REDIC1: variants seen among roughly 807,000 people sequenced by gnomAD.
The protein encoded by REDIC1 is regulator of DNA class I crossover intermediates 1, also known as HEI10 Interacting Protein 1.
At chr12:39,903,858 C>A in the REDIC1 span, among the ~76,000 whole-genome samples, 1 of 151,970 alleles carries the variant, frequency 6.6e-6, no homozygotes, top group African/African-American at 2.4e-5. Flanking sequence ...GATTGAGTGG[C>A]CTCTTATATT....
the REDIC1 span, among the ~76,000 whole-genome samples, chr12:39,820,131 A>G: frequency 6.6e-6 from 1 of 151,968 alleles, no homozygotes; most frequent in African/African-American, 2.4e-5. Context: ...CAACAAAAAG[A>G]AAAAAAATGT....
the REDIC1 span, among the ~76,000 whole-genome samples, chr12:39,773,218 T>C: frequency 6.6e-6 from 1 of 152,034 alleles, no homozygotes; most frequent in South Asian, 2.1e-4. Context: ...ATGACTGCAA[T>C]AATGGGAAGC....
chr12:39,824,234 C>G, the REDIC1 span, among the ~76,000 whole-genome samples: 1 of 152,082 alleles, frequency 6.6e-6, no homozygotes, highest in Non-Finnish European at 1.5e-5. Flanking sequence ...TTTGAATGGT[C>G]CTAGTTAACT....
the REDIC1 span, among the ~76,000 whole-genome samples, chr12:39,882,332 G>A: frequency 6.6e-6 from 1 of 152,136 alleles, no homozygotes; most frequent in South Asian, 2.1e-4. Context: ...AGGTGATGCT[G>A]ATCCTGCTTT....
the REDIC1 span, among the ~76,000 whole-genome samples, chr12:39,682,325 ATATAC>A: frequency 9.2e-5 from 14 of 152,082 alleles, no homozygotes; most frequent in African/African-American, 3.1e-4. Flanking sequence ...ATTATAGAAA[ATATAC>A]TATAGGTTGG....
chr12:39,677,429 C>G, the REDIC1 span, among the ~76,000 whole-genome samples: 1 of 151,968 alleles, frequency 6.6e-6, no homozygotes, highest in Non-Finnish European at 1.5e-5. Flanking sequence ...AACACAGGAG[C>G]TCCCAAATTT....
the REDIC1 span, among the ~76,000 whole-genome samples, chr12:39,691,213 G>C: frequency 6.6e-6 from 1 of 152,112 alleles, no homozygotes; most frequent in African/African-American, 2.4e-5. Flanking sequence ...TACGTAACAT[G>C]TCTAAACCAA....
At chr12:39,757,201 T>C in the REDIC1 span, 2 of 151,792 alleles carry the variant, frequency 1.3e-5, no homozygotes, top group South Asian at 2.1e-4. Context: ...ACCTTCTTCA[T>C]TGTATTTTCC....
chr12:39,652,078 A>C, the REDIC1 span, among the ~76,000 whole-genome samples: 1 of 152,146 alleles, frequency 6.6e-6, no homozygotes, highest in African/African-American at 2.4e-5. Flanking sequence ...CCGTATCTAT[A>C]GTTCATTCCT....
the REDIC1 span, among the ~76,000 whole-genome samples, chr12:39,640,204 G>A: frequency 7.9e-5 from 12 of 151,782 alleles, no homozygotes; most frequent in South Asian, 2.1e-4. Context: ...CAGTGTCTTC[G>A]TGATTCAGAT....
At chr12:39,803,269 C>T in the REDIC1 span, among the ~76,000 whole-genome samples, 1 of 149,732 alleles carries the variant, frequency 6.7e-6, no homozygotes, top group Admixed American at 6.6e-5. Context: ...AGGATTGCCA[C>T]AGATAAAACC....
At chr12:39,835,094 T>C in the REDIC1 span, among the ~76,000 whole-genome samples, 1 of 152,114 alleles carries the variant, frequency 6.6e-6, no homozygotes, top group Non-Finnish European at 1.5e-5. Context: ...ACAAAGTCAA[T>C]GCTCATAAGA....
At chr12:39,777,696 G>A in the REDIC1 span, among the ~76,000 whole-genome samples, 1 of 152,180 alleles carries the variant, frequency 6.6e-6, no homozygotes, top group African/African-American at 2.4e-5. Flanking sequence ...ACACACAGGT[G>A]GCTGGCCGTC....
At chr12:39,671,513 C>T in the REDIC1 span, among the ~76,000 whole-genome samples, 15 of 152,168 alleles carry the variant, frequency 9.9e-5, no homozygotes, top group Non-Finnish European at 1.9e-4. Flanking sequence ...ATCCTCCTGG[C>T]AGCTTGCTCA....
the REDIC1 span, chr12:39,760,143 G>T: frequency 6.2e-7 from 1 of 1,612,842 alleles, no homozygotes. Context: ...ATAGCCTGTT[G>T]TCAAAGAGTG....
At chr12:39,704,547 T>C in the REDIC1 span, among the ~76,000 whole-genome samples, 279 of 152,270 alleles carry the variant, frequency 1.8e-3, 3 homozygotes, top group East Asian at 0.039. Flanking sequence ...AGAAATACCA[T>C]TTGACCCAGC....
At chr12:39,880,849 G>A in the REDIC1 span, among the ~76,000 whole-genome samples, 1 of 152,110 alleles carries the variant, frequency 6.6e-6, no homozygotes, top group Admixed American at 6.6e-5. Flanking sequence ...GCATCATGGA[G>A]AACAATGAAG....
the REDIC1 span, among the ~76,000 whole-genome samples, chr12:39,698,588 G>A: frequency 1.3e-5 from 2 of 151,964 alleles, no homozygotes; most frequent in African/African-American, 4.8e-5. Flanking sequence ...ATAGACATAC[G>A]TTAGGCAACA....
chr12:39,871,176 A>T, the REDIC1 span, among the ~76,000 whole-genome samples: 1 of 152,200 alleles, frequency 6.6e-6, no homozygotes, highest in Non-Finnish European at 1.5e-5. Context: ...TGTACAGTGA[A>T]ATAATAAATA....
Sources: gnomAD v4.1 joint callset for allele counts (sites outside exome capture counted in the v4.1 genomes callset) on GRCh38, gnomAD v4.1.1 for gene constraint, MANE v1.5 for transcripts, NCBI Gene and HGNC (gene_info 2026-07-23, HGNC 2026-07-21) for gene names.